Variants in MYH16 observed in about 807,000 individuals in gnomAD.
The protein encoded by MYH16 is myosin heavy chain 16.
exon 10 of MYH16, chr7:99,257,354 A>T: frequency 5.6e-6 from 1 of 178,016 alleles, no homozygotes; most frequent in Non-Finnish European, 1.2e-5. Flanking sequence ...GCCGTGTATA[A>T]GCTGACGGGA....
downstream of MYH16, among the ~76,000 whole-genome samples, chr7:99,307,707 T>C (rs1792701574): frequency 6.6e-6 from 1 of 151,984 alleles, no homozygotes; most frequent in Non-Finnish European, 1.5e-5. Context: ...TGAGGCCCCA[T>C]CTCAAAGAAA....
At position 99,295,836 on chromosome 7, in the gene MYH16, GAAAAAAA is replaced by G. The variant is rs869299904; in HGVS notation, n.4283-848_4283-842del. ...TGACAGAGTGAGACCTCATCTCTTG[GAAAAAAA>G]AAAAAAAAAAAAAAAAGGCTGGGCA... On this transcript the variant is annotated intron_variant and non_coding_transcript_variant, in intron 33 of 41. Transcript: ENST00000439784. 7.1e-3 allele frequency among the ~76,000 whole-genome samples: 402 copies of G among 56,792 alleles called. 7 individuals carry two copies. In the South Asian group the frequency reaches 0.075, roughly 11 times the overall value. The allele number at this position is 56,792 out of a possible 152,430, so 37.3% of individuals were successfully genotyped here.
intron 38 of MYH16, among the ~76,000 whole-genome samples, chr7:99,302,307 A>ATAT (rs1379040977): frequency 8.4e-6 from 1 of 118,686 alleles, no homozygotes; most frequent in African/African-American, 4.7e-5. Context: ...CTCAAAAAAA[A>ATAT]AAAAATATAT....
Position 99,247,336 on chromosome 7 carries a change from C to G in MYH16, n.355-258C>G, listed in dbSNP as rs1174078809. 2.0e-5 allele frequency among the ~76,000 whole-genome samples: 3 copies of G among 152,178 alleles called. No individual in the cohort carries two copies. In the East Asian group the frequency reaches 5.8e-4, roughly 29 times the overall value. ...TATAGGCGTGCACCACCACGCCCAG[C>G]TAATTGTTTCGTCCTTTTGGTAGAG... is the stretch of plus-strand genomic sequence containing the variant. On this transcript the variant is annotated intron_variant and non_coding_transcript_variant, in intron 2 of 41. Transcript: ENST00000439784.
intron 38 of MYH16, among the ~76,000 whole-genome samples, chr7:99,302,312 A>AG (rs59375863): frequency 1.0e-5 from 1 of 96,492 alleles, no homozygotes; most frequent in African/African-American, 7.5e-5. Flanking sequence ...AAAAAAAAAA[A>AG]TATATACACA....
In MYH16 at chr7:99,302,315, TATACACACACACAC is replaced by T. The variant is rs1792608923; in HGVS notation, n.5137+513_5137+526del. On this transcript the variant is annotated intron_variant and non_coding_transcript_variant, in intron 38 of 41. Coordinates refer to ENST00000439784, the Ensembl canonical transcript of MYH16. Reference sequence around the variant, plus strand: ...TGACCATCTCAAAAAAAAAAAAATATATACACACACACACACACACACACACACACACACACACA... The same window carrying T: ...TGACCATCTCAAAAAAAAAAAAATATACACACACACACACACACACACACA... 6.4e-5 allele frequency among the ~76,000 whole-genome samples: 5 copies of T among 77,984 alleles called. No homozygotes were observed. In the South Asian group the frequency reaches 1.8e-3, roughly 28 times the overall value. 51.2% of individuals were successfully genotyped at this position (77,984 alleles called of 152,430 possible). A position where few individuals can be genotyped will look rare whatever the true frequency, so the allele number is the denominator to read the frequency against.
At chr7:99,269,701 C>T (rs1335849612) in intron 18 of MYH16, among the ~76,000 whole-genome samples, 2 of 152,112 alleles carry the variant, frequency 1.3e-5, no homozygotes, top group African/African-American at 2.4e-5. Flanking sequence ...GTGCTTTTAT[C>T]GCTTTGCCAT....
At chr7:99,288,785 G>A (rs1792324311) in intron 29 of MYH16, among the ~76,000 whole-genome samples, 2 of 151,338 alleles carry the variant, frequency 1.3e-5, no homozygotes, top group Non-Finnish European at 1.5e-5. Flanking sequence ...ACCTTAGAGC[G>A]CTACTGTGAG....
chr7:99,272,746 C>CAAA (rs111962523), intron 19 of MYH16, among the ~76,000 whole-genome samples, 93 bp from the exon 1 acceptor site: 1 of 139,692 alleles, frequency 7.2e-6, no homozygotes. Flanking sequence ...GACCCTGTCT[C>CAAA]AAAAAAAAAA....
intron 30 of MYH16, chr7:99,290,779 G>T (rs1300215525): frequency 4.6e-5 from 7 of 150,842 alleles, no homozygotes; most frequent in African/African-American, 1.5e-4. Flanking sequence ...CTCCAGCCTG[G>T]GTGACAAGAA....
At chr7:99,296,815 G>C in exon 34 of MYH16, 1 of 456,904 alleles carries the variant, frequency 2.2e-6, no homozygotes, top group Non-Finnish European at 4.4e-6. Flanking sequence ...CTCGCAGAAG[G>C]AGTGCCGCAT....
At chr7:99,280,837 G>A in intron 22 of MYH16, 39 bp from the exon 5 acceptor site, 1 of 279,138 alleles carries the variant, frequency 3.6e-6, no homozygotes, top group South Asian at 2.8e-5. Context: ...ACTCCCTCCA[G>A]CTTTAAGGAT....
chr7:99,275,893 A>G (rs1792104796), intron 20 of MYH16, among the ~76,000 whole-genome samples: 1 of 152,074 alleles, frequency 6.6e-6, no homozygotes, highest in East Asian at 1.9e-4. Flanking sequence ...ACCACGCCTA[A>G]TTTTTTGTAT....
chr7:99,291,617 A>ACCCCCCCCCCCCCCCCCC (rs34446113), intron 31 of MYH16, among the ~76,000 whole-genome samples, 167 bp downstream of exon 12: 1,165 of 105,842 alleles, frequency 0.011, no homozygotes, highest in Non-Finnish European at 0.013. Flanking sequence ...ACACAGCAAG[A>ACCCCCCCCCCCCCCCCCC]CCCCCCCCCA....
intron 20 of MYH16, among the ~76,000 whole-genome samples, chr7:99,275,247 C>T (rs1394977843): frequency 6.6e-6 from 1 of 152,142 alleles, no homozygotes; most frequent in Admixed American, 6.6e-5. Context: ...ATCCTCCCAC[C>T]TCAGCCTCCC....
chr7:99,296,027 C>A (rs1427291703), intron 33 of MYH16, among the ~76,000 whole-genome samples: 1 of 150,916 alleles, frequency 6.6e-6, no homozygotes, highest in African/African-American at 2.4e-5. Flanking sequence ...CTGTGTAATC[C>A]CAGCTACTCA....
chr7:99,302,537 AGCCTAG>A (rs1792615476), intron 38 of MYH16, among the ~76,000 whole-genome samples: 1 of 152,024 alleles, frequency 6.6e-6, no homozygotes, highest in African/African-American at 2.4e-5. Flanking sequence ...ACTGCATTCC[AGCCTAG>A]GCGACAGAGA....
intron 1 of MYH16, among the ~76,000 whole-genome samples, chr7:99,240,839 C>CAA (rs5886099): frequency 0.011 from 1,655 of 143,924 alleles, 31 homozygotes; most frequent in African/African-American, 0.038. Flanking sequence ...AACCTTGTCT[C>CAA]AAAAAAAAAA....
chr7:99,280,902 G>A (rs1792191430), exon 23 of MYH16: 1 of 420,030 alleles, frequency 2.4e-6, no homozygotes, highest in South Asian at 1.7e-5. Context: ...TCCGTACCCT[G>A]ACGGGGGACC....
Sources: allele counts gnomAD v4.1 joint callset (sites outside exome capture counted in the v4.1 genomes callset), GRCh38; gene constraint gnomAD v4.1.1; transcripts MANE v1.5; gene names NCBI Gene and HGNC (gene_info 2026-07-23, HGNC 2026-07-21).